The following PEPD variants were observed in gnomAD, a reference collection of about 807,000 sequenced individuals.
The protein encoded by PEPD is xaa-Pro dipeptidase.
A neutral mutation model predicts 60.7 loss-of-function variants in PEPD; 53 were observed. That is an observed-to-expected ratio of 0.87 (90% CI 0.70 to 1.10). The LOEUF is 1.10. PEPD is among the 50% of genes least tolerant of loss of function. The pLI, the probability that PEPD is intolerant of heterozygous loss-of-function variation, is 0.00. For synonymous variants in PEPD, 267 were observed against 284.1 expected (o/e 0.94, Z 0.60); for missense variants, 711 against 711.9 (o/e 1.00, Z 0.01).
intron 11 of PEPD, among the ~76,000 whole-genome samples, chr19:33,407,890 G>A (rs1006394576): frequency 1.3e-5 from 2 of 152,240 alleles, no homozygotes; most frequent in Non-Finnish European, 2.9e-5. Flanking sequence ...GTGCATGCGA[G>A]TGGGTGTGGT....
intron 3 of PEPD, among the ~76,000 whole-genome samples, chr19:33,503,693 C>T (rs746056013): frequency 6.6e-6 from 1 of 152,216 alleles, no homozygotes. Context: ...AACACATCAA[C>T]TCGGACTTTC....
At chr19:33,503,081 T>G (rs902606493) in intron 3 of PEPD, among the ~76,000 whole-genome samples, 1 of 152,028 alleles carries the variant, frequency 6.6e-6, no homozygotes, top group Non-Finnish European at 1.5e-5. Context: ...GTGTCCTATG[T>G]GCCATTCTCA....
chr19:33,396,989 T>C (rs1386436924), intron 12 of PEPD, among the ~76,000 whole-genome samples: 1 of 152,064 alleles, frequency 6.6e-6, no homozygotes, highest in Non-Finnish European at 1.5e-5. Context: ...TCACCATGCA[T>C]GCAGGGGTCT....
chr19:33,489,040 C>G (rs772335312), intron 6 of PEPD, among the ~76,000 whole-genome samples: 3 of 152,136 alleles, frequency 2.0e-5, no homozygotes, highest in African/African-American at 4.8e-5. Flanking sequence ...ACCAGCCAGT[C>G]CAGGGACCCA....
chr19:33,392,029 C>T (rs1349646570), intron 12 of PEPD, among the ~76,000 whole-genome samples: 1 of 152,198 alleles, frequency 6.6e-6, no homozygotes, highest in Admixed American at 6.5e-5. Flanking sequence ...GATGAAACAC[C>T]CCTGGAGCTG....
chr19:33,456,524 C>A (rs1443220515), intron 9 of PEPD, among the ~76,000 whole-genome samples: 2 of 152,212 alleles, frequency 1.3e-5, no homozygotes, highest in Non-Finnish European at 2.9e-5. Flanking sequence ...CTACTCCAAG[C>A]CACCTGAGGC....
chr19:33,396,766 C>T (rs1968376238), intron 12 of PEPD, among the ~76,000 whole-genome samples: 1 of 152,062 alleles, frequency 6.6e-6, no homozygotes, highest in Non-Finnish European at 1.5e-5. Flanking sequence ...CTACAGGAGG[C>T]TCTGGGGCTT....
At chr19:33,488,177 G>A (rs1970432215) in intron 6 of PEPD, among the ~76,000 whole-genome samples, 1 of 152,124 alleles carries the variant, frequency 6.6e-6, no homozygotes, top group African/African-American at 2.4e-5. Flanking sequence ...TGGTGATCCT[G>A]GAGCCCACCT....
chr19:33,410,983 G>A (rs3786906), intron 11 of PEPD, among the ~76,000 whole-genome samples: 6,207 of 152,166 alleles, frequency 0.041, 157 homozygotes, highest in African/African-American at 0.066. Context: ...TCCCTGCCCC[G>A]GGGCAGCGGC....
Position 33,406,375 on chromosome 19 carries a change from C to T in PEPD, c.819-4506G>A, listed in dbSNP as rs563325371. Among the ~76,000 whole-genome samples, 6 of 152,292 alleles carry T rather than the reference C, an allele frequency of 3.9e-5. No homozygotes were observed. The South Asian group carries it at 1.2e-3, about 32-fold the overall frequency. On this transcript the variant is annotated intron_variant, in intron 11 of 14. Transcript: ENST00000244137. ...CCAGGCCTGTCCATGTGTATGAGGA[C>T]GGGTGAGAATGGAGAGCACGCTCCT...
chr19:33,471,018 A>G (rs1970110976), intron 7 of PEPD, among the ~76,000 whole-genome samples: 1 of 152,188 alleles, frequency 6.6e-6, no homozygotes, highest in African/African-American at 2.4e-5. Flanking sequence ...GTAATCTGCC[A>G]AAGGAGAAAG....
chr19:33,424,902 T>C (rs117749381), intron 9 of PEPD, among the ~76,000 whole-genome samples: 2 of 152,166 alleles, frequency 1.3e-5, no homozygotes, highest in East Asian at 3.9e-4. Flanking sequence ...ACTTATTTAC[T>C]ACCATGAGAA....
chr19:33,406,526 C>A (rs1968628217), intron 11 of PEPD, among the ~76,000 whole-genome samples: 1 of 152,206 alleles, frequency 6.6e-6, no homozygotes, highest in Non-Finnish European at 1.5e-5. Context: ...GACAACAAGT[C>A]TCCCTCGGAG....
At chr19:33,438,337 CCAACA>C (rs1969419639) in intron 9 of PEPD, among the ~76,000 whole-genome samples, 1 of 152,238 alleles carries the variant, frequency 6.6e-6, no homozygotes. Context: ...GGGCCCCAGA[CCAACA>C]CAGCTGGCTA....
At position 33,390,927 on chromosome 19, in the gene PEPD, C is replaced by T. The variant is rs886216800; in HGVS notation, c.1152+368G>A. On this transcript the variant is annotated intron_variant, in intron 13 of 14. Coordinates refer to ENST00000244137, the MANE Select transcript of PEPD (RefSeq NM_000285.4). ...CCCCAGGTCTGAATGAAGCCAGAGGCGGCAGGACGTGAGGGGTGCCACGTA... is the reference window on the plus strand; with the variant it reads ...CCCCAGGTCTGAATGAAGCCAGAGGTGGCAGGACGTGAGGGGTGCCACGTA... 2.0e-5 allele frequency among the ~76,000 whole-genome samples: 3 copies of T among 152,174 alleles called. No individual in the cohort carries two copies. The East Asian group carries it at 5.8e-4, about 29-fold the overall frequency.
chr19:33,404,489 A>G (rs1242869599), intron 11 of PEPD, among the ~76,000 whole-genome samples: 1 of 152,198 alleles, frequency 6.6e-6, no homozygotes, highest in Non-Finnish European at 1.5e-5. Context: ...CAGGAAGCCC[A>G]CAAGAATACC....
chr19:33,488,350 G>A (rs1328555249), intron 6 of PEPD, among the ~76,000 whole-genome samples: 1 of 152,140 alleles, frequency 6.6e-6, no homozygotes, highest in African/African-American at 2.4e-5. Context: ...CAGGTTACAC[G>A]TGGAGGAGCT....
rs1226563721 is a variant in PEPD at position 33,391,406 on chromosome 19, C to G, written c.1041G>C (p.Leu347=). The G allele has an allele frequency of 3.2e-6, 5 of 1,582,866 alleles. No individual in the cohort carries two copies. Among genetic ancestry groups the G allele is most frequent in the Non-Finnish European group, 4.3e-6 (5 of 1,164,314 alleles). ...GGACCATGGCGTCCACGCTGCCGCT[C>G]AGGATGCCCATGTGGGCCAGCTCCT... ...HLEELAHMGI[L]SGSVDAMVQA... Residue 347 remains leucine (L), a synonymous_variant, in exon 13 of 15, where the codon CTG becomes CTC. Coordinates refer to ENST00000244137, the MANE Select transcript of PEPD (RefSeq NM_000285.4).
intron 1 of PEPD, among the ~76,000 whole-genome samples, chr19:33,517,168 G>A (rs547989863): frequency 3.3e-5 from 5 of 150,292 alleles, no homozygotes; most frequent in Admixed American, 6.6e-5. Flanking sequence ...GGGACAGGGC[G>A]AGACCCTGTC....
Sources: allele counts gnomAD v4.1 joint callset (sites outside exome capture counted in the v4.1 genomes callset), GRCh38; gene constraint gnomAD v4.1.1; transcripts MANE v1.5; gene names NCBI Gene and HGNC (gene_info 2026-07-23, HGNC 2026-07-21).